The following ARSB variants were observed in gnomAD, a reference collection of about 807,000 sequenced individuals.
The protein encoded by ARSB is N-acetylgalactosamine-4-sulfatase.
ARSB carries 41 observed loss-of-function variants against 50.9 expected under a neutral mutation model. That is an observed-to-expected ratio of 0.81 (90% CI 0.63 to 1.04). The LOEUF is 1.04. ARSB is among the 50% of genes least tolerant of loss of function. The probability of loss-of-function intolerance (pLI) is 0.00; values close to 1 mark genes in which losing one functional copy is unlikely to be tolerated. For synonymous variants in ARSB, 269 were observed against 284.8 expected (o/e 0.94, Z 0.56); for missense variants, 672 against 693.3 (o/e 0.97, Z 0.35).
intron 4 of ARSB, among the ~76,000 whole-genome samples, chr5:78,895,736 T>C (rs143068448): frequency 1.3e-5 from 2 of 152,344 alleles, no homozygotes; most frequent in East Asian, 3.9e-4. Context: ...TTTGTCACCC[T>C]GTGACCCTCA....
intron 4 of ARSB, among the ~76,000 whole-genome samples, chr5:78,940,376 T>C (rs1247349427): frequency 3.9e-5 from 6 of 152,228 alleles, no homozygotes; most frequent in Non-Finnish European, 7.3e-5. Flanking sequence ...TCCTGAATGG[T>C]ATTGCCTACG....
chr5:78,845,506 G>C (rs1000068061), intron 5 of ARSB, among the ~76,000 whole-genome samples: 1 of 152,092 alleles, frequency 6.6e-6, no homozygotes. Flanking sequence ...TGGTGGATAA[G>C]AGTACCCCTT....
At chr5:78,937,636 T>C (rs1363069060) in intron 4 of ARSB, among the ~76,000 whole-genome samples, 1 of 151,558 alleles carries the variant, frequency 6.6e-6, no homozygotes, top group Non-Finnish European at 1.5e-5. Context: ...GAAGATCTGA[T>C]AAACATAGAG....
chr5:78,847,972 T>C (rs536041079), intron 5 of ARSB, among the ~76,000 whole-genome samples: 38 of 152,134 alleles, frequency 2.5e-4, no homozygotes, highest in African/African-American at 8.4e-4. Context: ...AGCTAATTAT[T>C]TGTCAGTTTT....
intron 6 of ARSB, among the ~76,000 whole-genome samples, chr5:78,782,881 T>A (rs150909711): frequency 6.3e-4 from 96 of 152,270 alleles, no homozygotes; most frequent in Non-Finnish European, 1.1e-3. Context: ...ACCAGAGTGC[T>A]TACATATATC....
chr5:78,921,811 A>C (rs1310841353), intron 4 of ARSB, among the ~76,000 whole-genome samples: 2 of 152,320 alleles, frequency 1.3e-5, no homozygotes, highest in East Asian at 3.9e-4. Context: ...AGAGGCATTG[A>C]AGAGGGTAGG....
rs1487651843 is a variant in ARSB at position 78,985,163 on chromosome 5, A to T, written c.86T>A (p.Leu29Gln). Reference protein sequence around the residue: ...LLPVVLPLLLLLLLAPPGSGA... With the variant: ...LLPVVLPLLLQLLLAPPGSGA... ...CGAGCCCGGCGGCGCCAACAACAGC[A>T]GCAGCAGCAGCGGGAGGACGACGGG... The change falls in exon 1 of 8, where the codon CTG (leucine) becomes CAG (glutamine). Residue 29 changes from leucine to glutamine, a missense_variant. Transcript: ENST00000264914. 6.9e-7 allele frequency: 1 copy of T among 1,443,274 alleles called. No homozygotes were observed. Among genetic ancestry groups the T allele is most frequent in the Non-Finnish European group, 9.1e-7 (1 of 1,098,292 alleles). The allele number at this position is 1,443,274 out of a possible 1,614,324, so 89.4% of individuals were successfully genotyped here. A position where few individuals can be genotyped will look rare whatever the true frequency, so the allele number is the denominator to read the frequency against.
intron 6 of ARSB, among the ~76,000 whole-genome samples, chr5:78,797,728 A>G (rs1743234833): frequency 6.6e-6 from 1 of 152,166 alleles, no homozygotes. Context: ...TGCCCCTAAG[A>G]TAGCTTTATG....
chr5:78,964,587 T>C lies in ARSB; in HGVS notation c.519A>G (p.Glu173=). 2 of 1,613,686 alleles carry C rather than the reference T, an allele frequency of 1.2e-6. No homozygotes were observed. The highest frequency in any genetic ancestry group is 2.2e-5 in the East Asian group (1 of 44,882). ...DTYFGYLLGS[E]DYYSHERCTL... ...TACAGCGTTCATGGGAATAATAATC[T>C]TCACTACCCAGGAGATATCCTGCAA... is the stretch of plus-strand genomic sequence containing the variant. Residue 173 remains glutamate, a synonymous_variant, in exon 3 of 8, where the codon GAA becomes GAG. Coordinates refer to ENST00000264914, the MANE Select transcript of ARSB (RefSeq NM_000046.5).
At chr5:78,849,491 A>G (rs1745639971) in intron 5 of ARSB, among the ~76,000 whole-genome samples, 1 of 151,592 alleles carries the variant, frequency 6.6e-6, no homozygotes, top group Non-Finnish European at 1.5e-5. Flanking sequence ...GTTTGAAGTC[A>G]GGTAGCGTGA....
intron 4 of ARSB, among the ~76,000 whole-genome samples, chr5:78,898,814 T>C (rs1331483046): frequency 3.3e-5 from 5 of 152,236 alleles, no homozygotes; most frequent in Non-Finnish European, 7.3e-5. Context: ...CTTTTGAGCT[T>C]CATAGTAGAG....
intron 1 of ARSB, among the ~76,000 whole-genome samples, chr5:78,973,480 A>G (rs1280725523): frequency 1.3e-5 from 2 of 152,156 alleles, no homozygotes; most frequent in African/African-American, 2.4e-5. Flanking sequence ...CCTTATTTAC[A>G]TATTGGTTGC....
intron 6 of ARSB, among the ~76,000 whole-genome samples, chr5:78,797,920 G>C (rs562492123): frequency 2.0e-5 from 3 of 152,168 alleles, no homozygotes; most frequent in Admixed American, 2.0e-4. Context: ...ATAGGGGAAG[G>C]GGCCTCTAAA....
At chr5:78,932,002 G>A (rs1377838565) in intron 4 of ARSB, among the ~76,000 whole-genome samples, 2 of 152,156 alleles carry the variant, frequency 1.3e-5, no homozygotes, top group African/African-American at 4.8e-5. Flanking sequence ...CCCCAGCCAT[G>A]TGGAACTGGC....
intron 4 of ARSB, among the ~76,000 whole-genome samples, chr5:78,899,202 C>G (rs76499731): frequency 3.3e-5 from 5 of 152,204 alleles, no homozygotes; most frequent in Non-Finnish European, 7.4e-5. Context: ...AGCTACTTTA[C>G]GTGTTATTTG....
intron 5 of ARSB, among the ~76,000 whole-genome samples, chr5:78,879,411 T>C (rs1747640168): frequency 1.3e-5 from 2 of 152,214 alleles, no homozygotes; most frequent in Admixed American, 6.5e-5. Flanking sequence ...GGAGCTCCTA[T>C]TGTAAATAAT....
chr5:78,834,229 G>A (rs1326048422), intron 6 of ARSB, among the ~76,000 whole-genome samples: 5 of 152,168 alleles, frequency 3.3e-5, no homozygotes, highest in East Asian at 3.9e-4. Context: ...GGAAAGTTAC[G>A]TTTTATTTAT....
chr5:78,784,326 T>C (rs770033270), intron 6 of ARSB, among the ~76,000 whole-genome samples: 1 of 152,164 alleles, frequency 6.6e-6, no homozygotes, highest in African/African-American at 2.4e-5. Context: ...TAGGTATTTA[T>C]CCAAACGAAA....
chr5:78,833,614 G>A (rs140683621), intron 6 of ARSB, among the ~76,000 whole-genome samples: 110 of 152,326 alleles, frequency 7.2e-4, no homozygotes, highest in African/African-American at 2.5e-3. Context: ...GATAACCAGT[G>A]AATGATGAAA....
Sources: gnomAD v4.1 joint callset for allele counts (sites outside exome capture counted in the v4.1 genomes callset) on GRCh38, gnomAD v4.1.1 for gene constraint, MANE v1.5 for transcripts, NCBI Gene and HGNC (gene_info 2026-07-23, HGNC 2026-07-21) for gene names.